SLC22A4: variants seen among roughly 807,000 people sequenced by gnomAD.
SLC22A4 encodes the protein solute carrier family 22 member 4, also known as ET transporter.
In SLC22A4, 39 loss-of-function variants were observed where a neutral mutation model predicts 56.6. That is an observed-to-expected ratio of 0.69 (90% confidence interval 0.53 to 0.90). SLC22A4 has a LOEUF of 0.90. Ranked by LOEUF, SLC22A4 falls within the 40% of genes least tolerant of loss-of-function variation. The pLI is 0.00. For missense variants in SLC22A4, 594 were observed against 696.5 expected (o/e 0.85, Z 1.66); for synonymous variants, 241 against 281.4 (o/e 0.86, Z 1.44).
At chr5:132,317,705 T>C (rs991739783) in intron 3 of SLC22A4, among the ~76,000 whole-genome samples, 2 of 152,240 alleles carry the variant, frequency 1.3e-5, no homozygotes, top group African/African-American at 4.8e-5. Flanking sequence ...TTTAACCTTT[T>C]GAGGAACTGC....
intron 5 of SLC22A4, among the ~76,000 whole-genome samples, chr5:132,330,950 C>A (rs955171261): frequency 6.6e-6 from 1 of 151,948 alleles, no homozygotes; most frequent in Non-Finnish European, 1.5e-5. Flanking sequence ...ATTAATATAC[C>A]CATTTTATAT....
At chr5:132,339,503 C>CACACACACACACACA (rs1554084166) in intron 8 of SLC22A4, among the ~76,000 whole-genome samples, 5 of 150,432 alleles carry the variant, frequency 3.3e-5, no homozygotes, top group Non-Finnish European at 4.4e-5. Flanking sequence ...CACACACACA[C>CACACACACACACACA]CTGAAAACAT....
At chr5:132,308,751 G>GAT (rs1750106137) in intron 1 of SLC22A4, among the ~76,000 whole-genome samples, 2 of 152,176 alleles carry the variant, frequency 1.3e-5, no homozygotes, top group African/African-American at 4.8e-5. Context: ...ACCTTGGTCT[G>GAT]GGACCCTGCT....
intron 1 of SLC22A4, among the ~76,000 whole-genome samples, chr5:132,306,098 T>C (rs1750022199): frequency 6.6e-6 from 1 of 152,076 alleles, no homozygotes; most frequent in Non-Finnish European, 1.5e-5. Flanking sequence ...GGTAGGAATG[T>C]GGAGAAATTG....
intron 3 of SLC22A4, among the ~76,000 whole-genome samples, chr5:132,316,189 C>T (rs898786787): frequency 6.6e-6 from 1 of 152,310 alleles, no homozygotes; most frequent in East Asian, 1.9e-4. Context: ...AGCCAAATTA[C>T]TCCCACTGTC....
chr5:132,299,395 TTTTA>T (rs542442178), intron 1 of SLC22A4, among the ~76,000 whole-genome samples: 1 of 1,882 alleles, frequency 5.3e-4, no homozygotes, highest in Non-Finnish European at 4.5e-3. Context: ...TTATTTTTCG[TTTTA>T]TTTTATTTTA....
At chr5:132,303,316 TTA>T (rs1295955686) in intron 1 of SLC22A4, among the ~76,000 whole-genome samples, 1 of 151,138 alleles carries the variant, frequency 6.6e-6, no homozygotes, top group Non-Finnish European at 1.5e-5. Context: ...ACACACACAT[TTA>T]GAGTCTCTGG....
chr5:132,298,870 T>C (rs888239014), intron 1 of SLC22A4, among the ~76,000 whole-genome samples: 1 of 152,196 alleles, frequency 6.6e-6, no homozygotes, highest in Non-Finnish European at 1.5e-5. Context: ...AAAGTCCAGG[T>C]TGTGGCCTGT....
chr5:132,295,134 A>G, intron 1 of SLC22A4, 125 bp downstream of exon 1: 1 of 1,107,986 alleles, frequency 9.0e-7, no homozygotes. Flanking sequence ...TGCTGTTCAT[A>G]CTTCCAGCAG....
chr5:132,343,666 T>G, intron 9 of SLC22A4, 94 bp from the exon 10 acceptor site: 1 of 768,264 alleles, frequency 1.3e-6, no homozygotes, highest in Non-Finnish European at 2.3e-6. Flanking sequence ...GTTCATTGAT[T>G]GGAGAAATAT....
Position 132,325,246 on chromosome 5 carries a change from T to C in SLC22A4, c.825-2031T>C, listed in dbSNP as rs887332906. The stretch of plus-strand genomic sequence containing the variant: ...TATCGTGGCTGTGTAGTAAGATCTC[T>C]AATTCTGCACTAATATAGTAGCCAC... On this transcript the variant is annotated intron_variant, in intron 4 of 9. Transcript: ENST00000200652. 5.3e-5 allele frequency among the ~76,000 whole-genome samples: 8 copies of C among 152,356 alleles called. No homozygotes were observed. The East Asian group carries it at 7.7e-4, about 15-fold the overall frequency.
chr5:132,328,499 C>T (rs569452274), intron 5 of SLC22A4, among the ~76,000 whole-genome samples: 2 of 152,214 alleles, frequency 1.3e-5, no homozygotes, highest in East Asian at 3.9e-4. Context: ...CAGAGGGCTG[C>T]CAGGACAAAA....
intron 3 of SLC22A4, 76 bp downstream of exon 3, chr5:132,313,844 C>T (rs1479215621): frequency 2.1e-6 from 3 of 1,451,902 alleles, no homozygotes; most frequent in Non-Finnish European, 2.9e-6. Context: ...ATCATTGGGC[C>T]ATTGGGCTGT....
intron 5 of SLC22A4, among the ~76,000 whole-genome samples, chr5:132,331,242 G>C (rs1029334551): frequency 6.6e-6 from 1 of 152,184 alleles, no homozygotes; most frequent in Non-Finnish European, 1.5e-5. Context: ...CTGAGAGGCA[G>C]GAGAATCGCT....
Position 132,334,897 on chromosome 5 carries a change from G to A in SLC22A4, c.1226G>A (p.Gly409Glu), listed in dbSNP as rs1750974959. 1 of 1,613,650 alleles carries A rather than the reference G, an allele frequency of 6.2e-7. No homozygotes were observed. The highest frequency in any genetic ancestry group is 1.1e-5 in the South Asian group (1 of 91,064). Residue 409 changes from glycine (G) to glutamate (E), a missense_variant, in exon 7 of 10, where the codon GGA (glycine) becomes GAA (glutamate). Transcript: ENST00000200652. The stretch of plus-strand genomic sequence containing the variant: ...ATAGCTGCAGTACTGTTCTGGGGAG[G>A]AGGTGTGCTTCTCTTCATTCAACTG... ...YIIAAVLFWG[G>E]GVLLFIQLVP...
chr5:132,337,644 A>T (rs1751067035), intron 8 of SLC22A4, among the ~76,000 whole-genome samples: 2 of 151,368 alleles, frequency 1.3e-5, no homozygotes, highest in South Asian at 4.2e-4. Flanking sequence ...TTTCATTCCT[A>T]TTTATTAATT....
At chr5:132,335,736 G>A in intron 7 of SLC22A4, 82 bp from the exon 8 acceptor site, 1 of 1,188,710 alleles carries the variant, frequency 8.4e-7, no homozygotes, top group Non-Finnish European at 1.3e-6. Flanking sequence ...TCCCACTGAA[G>A]CAAAAAGGAC....
chr5:132,311,787 A>G (rs955704728), intron 1 of SLC22A4: 1 of 337,076 alleles, frequency 3.0e-6, no homozygotes, highest in South Asian at 2.9e-5. Flanking sequence ...CCTCCGCACT[A>G]GGCTGGCTTC....
intron 8 of SLC22A4, among the ~76,000 whole-genome samples, chr5:132,337,322 T>A (rs556137658): frequency 6.8e-6 from 1 of 147,892 alleles, no homozygotes; most frequent in African/African-American, 2.5e-5. Flanking sequence ...TGGAGTGTAG[T>A]GGTGCGATCC....
Sources: gnomAD v4.1 joint callset for allele counts (sites outside exome capture counted in the v4.1 genomes callset) on GRCh38, gnomAD v4.1.1 for gene constraint, MANE v1.5 for transcripts, NCBI Gene and HGNC (gene_info 2026-07-23, HGNC 2026-07-21) for gene names.